TMEM154: variants seen among roughly 807,000 people sequenced by gnomAD.
The protein encoded by TMEM154 is transmembrane protein 154.
TMEM154 carries 27 observed loss-of-function variants against 24.5 expected under a neutral mutation model. That is an observed-to-expected ratio of 1.10 (90% confidence interval 0.81 to 1.52). TMEM154 has a LOEUF of 1.52. Among genes scored for constraint, TMEM154 ranks in the 40% most tolerant of loss-of-function variants. The pLI, the probability that TMEM154 is intolerant of heterozygous loss-of-function variation, is 0.00. For synonymous variants in TMEM154, 67 were observed against 76.8 expected, an observed-to-expected ratio of 0.87 and a Z score of 0.67; for missense variants, 228 against 213.4, an observed-to-expected ratio of 1.07 and a Z score of -0.43.
intron 3 of TMEM154, among the ~76,000 whole-genome samples, chr4:152,645,606 C>T (rs909272203): frequency 3.9e-5 from 6 of 152,182 alleles, no homozygotes; most frequent in Non-Finnish European, 8.8e-5. Flanking sequence ...TTTGTAGGGG[C>T]CCACCAAATA....
At chr4:152,647,862 A>G (rs1033936728) in intron 3 of TMEM154, among the ~76,000 whole-genome samples, 2 of 152,204 alleles carry the variant, frequency 1.3e-5, no homozygotes, top group Non-Finnish European at 2.9e-5. Flanking sequence ...CATTTTACAG[A>G]TGAAGAAACT....
At chr4:152,647,226 G>C (rs555707345) in intron 3 of TMEM154, 1 of 984,796 alleles carries the variant, frequency 1.0e-6, no homozygotes. Flanking sequence ...TAACTTCCCA[G>C]GGGACATAGT....
intron 1 of TMEM154, among the ~76,000 whole-genome samples, chr4:152,654,932 T>C (rs1461160010): frequency 6.6e-6 from 1 of 152,104 alleles, no homozygotes; most frequent in Non-Finnish European, 1.5e-5. Context: ...CATTTGATAA[T>C]CCCTTTAGTA....
At chr4:152,651,897 C>A (rs1452943787) in intron 3 of TMEM154, among the ~76,000 whole-genome samples, 1 of 152,210 alleles carries the variant, frequency 6.6e-6, no homozygotes, top group Non-Finnish European at 1.5e-5. Context: ...CATTTGAACA[C>A]TTACATGCCA....
chr4:152,654,760 G>T (rs781594487), intron 1 of TMEM154, among the ~76,000 whole-genome samples: 4 of 152,200 alleles, frequency 2.6e-5, no homozygotes, highest in Non-Finnish European at 5.9e-5. Context: ...TAGCACCTTT[G>T]ATCTTGAACT....
chr4:152,629,795 C>T (rs1247381028), intron 6 of TMEM154, among the ~76,000 whole-genome samples: 1 of 152,116 alleles, frequency 6.6e-6, no homozygotes, highest in Non-Finnish European at 1.5e-5. Context: ...TTCGGAGCAA[C>T]TGAGACACAC....
Position 152,652,709 on chromosome 4 carries a change from C to T in TMEM154, c.283G>A (p.Val95Ile), listed in dbSNP as rs578048182. ...ILLVLLLLSVVFLATYYKRKR... is the reference protein window; with the variant it reads ...ILLVLLLLSVIFLATYYKRKR... The stretch of plus-strand genomic sequence containing the variant: ...CTTTTATAGTATGTTGCAAGGAATA[C>T]CACGGATAAAAGTAAGAGGACCAAT... Residue 95 changes from valine to isoleucine, a missense_variant, in exon 2 of 7, where the codon GTA becomes ATA. Val to Ile is a conservative substitution (Grantham distance 29, BLOSUM62 3). Transcript: ENST00000304385. 45 of 1,613,752 alleles carry T rather than the reference C, an allele frequency of 2.8e-5. No homozygotes were observed. Among genetic ancestry groups the T allele is most frequent in the Non-Finnish European group, 3.5e-5 (41 of 1,179,944 alleles).
At chr4:152,638,212 G>T (rs984550414) in intron 6 of TMEM154, among the ~76,000 whole-genome samples, 4 of 152,238 alleles carry the variant, frequency 2.6e-5, no homozygotes, top group African/African-American at 9.6e-5. Context: ...GCTACAGTGA[G>T]CTGGGATCAC....
At chr4:152,662,525 GA>G (rs1412394722) in intron 1 of TMEM154, among the ~76,000 whole-genome samples, 1 of 152,188 alleles carries the variant, frequency 6.6e-6, no homozygotes, top group Non-Finnish European at 1.5e-5. Flanking sequence ...AAGAAAATCA[GA>G]AGTGTACACC....
At chr4:152,673,094 C>A (rs1728879598) in intron 1 of TMEM154, among the ~76,000 whole-genome samples, 1 of 152,124 alleles carries the variant, frequency 6.6e-6, no homozygotes. Context: ...TCCCTGATCT[C>A]ATTTCTCTTC....
intron 6 of TMEM154, among the ~76,000 whole-genome samples, chr4:152,630,665 G>A (rs1752021880): frequency 6.6e-6 from 1 of 152,188 alleles, no homozygotes; most frequent in Non-Finnish European, 1.5e-5. Context: ...TTGTCCAGCT[G>A]TTGTAATAGA....
In TMEM154 at chr4:152,621,540, T is replaced by C. The variant is rs1751843933; in HGVS notation, c.*7006A>G. The C allele has an allele frequency of 2.0e-5, 3 of 152,328 alleles. No individual in the cohort carries two copies. Among genetic ancestry groups the C allele is most frequent in the South Asian group, 4.1e-4 (2 of 4,822 alleles). 9.4% of individuals were successfully genotyped at this position (152,328 alleles called of 1,614,324 possible). ...CTCTGCATCAGTTTCTAGGGGTAGA[T>C]TGATGCCATAATGGACCAGGTTTAA... On this transcript the variant is annotated 3_prime_UTR_variant, in exon 7 of 7. Transcript: ENST00000304385.
At chr4:152,651,334 C>G (rs1728378938) in intron 3 of TMEM154, among the ~76,000 whole-genome samples, 1 of 152,128 alleles carries the variant, frequency 6.6e-6, no homozygotes, top group East Asian at 1.9e-4. Context: ...CATCTTCTTC[C>G]AACAGAGGAC....
chr4:152,628,379 T>C lies in TMEM154; in HGVS notation c.*167A>G. The C allele has an allele frequency of 8.7e-7, 1 of 1,144,988 alleles. No individual in the cohort carries two copies. The highest frequency in any genetic ancestry group is 1.3e-6 in the Non-Finnish European group (1 of 777,972). The allele number at this position is 1,144,988 out of a possible 1,614,324, so 70.9% of individuals were successfully genotyped here. On this transcript the variant is annotated 3_prime_UTR_variant, in exon 7 of 7. Transcript: ENST00000304385. ...AATTGCACATTCTTCCAAGTGCAAG[T>C]GATGCCATCATTAGGAAGAGTGGGC...
chr4:152,640,513 A>T (rs1415969839), intron 6 of TMEM154, among the ~76,000 whole-genome samples: 3 of 152,132 alleles, frequency 2.0e-5, no homozygotes, highest in South Asian at 4.1e-4. Flanking sequence ...TTTTTTAAAA[A>T]TTCCCATTTA....
rs1437076902 is a variant in TMEM154 at position 152,655,337 on chromosome 4, C to T, written c.65-2410G>A. Reference sequence around the variant, plus strand: ...ACTGCAGACTCCTGCAGCCTAGCCACGGGAGAGCCCCTCAACTCTCACAGG... The same window carrying T: ...ACTGCAGACTCCTGCAGCCTAGCCATGGGAGAGCCCCTCAACTCTCACAGG... On this transcript the variant is annotated intron_variant, in intron 1 of 6. Transcript: ENST00000304385. Among the ~76,000 whole-genome samples, 5 of 152,184 alleles carry T rather than the reference C, an allele frequency of 3.3e-5. No homozygotes were observed. The East Asian group carries it at 5.8e-4, about 18-fold the overall frequency.
chr4:152,634,059 A>G (rs1404780244), intron 6 of TMEM154, among the ~76,000 whole-genome samples: 3 of 149,578 alleles, frequency 2.0e-5, no homozygotes, highest in African/African-American at 4.9e-5. Flanking sequence ...AAAAAAAAAG[A>G]AAGTGGAACA....
chr4:152,639,476 C>T (rs1248557494), intron 6 of TMEM154, among the ~76,000 whole-genome samples: 1 of 152,114 alleles, frequency 6.6e-6, no homozygotes, highest in East Asian at 1.9e-4. Context: ...TATATAGTTA[C>T]ATATTTCCAG....
At chr4:152,645,183 C>A (rs1489562859) in intron 3 of TMEM154, among the ~76,000 whole-genome samples, 1 of 151,998 alleles carries the variant, frequency 6.6e-6, no homozygotes, top group East Asian at 1.9e-4. Context: ...GGGATCGTGT[C>A]TGTCTTATTT....
Sources: gnomAD v4.1 joint callset for allele counts (sites outside exome capture counted in the v4.1 genomes callset) on GRCh38, gnomAD v4.1.1 for gene constraint, MANE v1.5 for transcripts, NCBI Gene and HGNC (gene_info 2026-07-23, HGNC 2026-07-21) for gene names.